Variants in MARCHF5 observed in about 807,000 individuals in gnomAD.
The protein encoded by MARCHF5 is E3 ubiquitin-protein ligase MARCHF5.
In MARCHF5, 5 loss-of-function variants were observed where a neutral mutation model predicts 36.5. The ratio of observed to expected loss-of-function variants is 0.14; its 90% CI spans 0.07 to 0.29. The LOEUF (loss-of-function observed/expected upper bound fraction) is 0.29. Ranked by LOEUF, MARCHF5 falls within the 10% of genes least tolerant of loss-of-function variation. The pLI is 1.00. For missense variants in MARCHF5, 179 were observed against 336.3 expected, an observed-to-expected ratio of 0.53 and a Z score of 3.66; for synonymous variants, 103 against 109.9, an observed-to-expected ratio of 0.94 and a Z score of 0.39.
In MARCHF5 at chr10:92,351,406, TTG is replaced by T; in HGVS notation, c.*201_*202del. 2.3e-6 allele frequency: 1 copy of T among 428,906 alleles called. No homozygotes were observed. The highest frequency in any genetic ancestry group is 4.1e-6 in the Non-Finnish European group (1 of 243,708). 26.6% of individuals were successfully genotyped at this position (428,906 alleles called of 1,614,324 possible). Reference sequence around the variant, plus strand: ...TAAGGATGTGATTTGTTTTCATTGTTTGTATGTACTACTTTTATGGCAGTCAT... The same window carrying T: ...TAAGGATGTGATTTGTTTTCATTGTTTATGTACTACTTTTATGGCAGTCAT... On this transcript the variant is annotated 3_prime_UTR_variant, in exon 6 of 6. Transcript: ENST00000358935.
chr10:92,300,326 A>G (rs553568163), intron 1 of MARCHF5, among the ~76,000 whole-genome samples: 17 of 151,826 alleles, frequency 1.1e-4, no homozygotes, highest in Non-Finnish European at 1.9e-4. Context: ...CTTAAAAAAA[A>G]AAAGAAAGAA....
chr10:92,294,240 G>T (rs183701899), intron 1 of MARCHF5, among the ~76,000 whole-genome samples: 11 of 152,236 alleles, frequency 7.2e-5, no homozygotes, highest in Non-Finnish European at 1.2e-4. Context: ...TTCGAATTTT[G>T]CCACTTACTA....
rs191155225 is a variant in MARCHF5 at position 92,312,383 on chromosome 10, A to T, written c.238+1046A>T. 3.3e-3 allele frequency among the ~76,000 whole-genome samples: 505 copies of T among 152,360 alleles called. 2 individuals are homozygous for T. Among genetic ancestry groups the T allele is most frequent in the Non-Finnish European group, 5.8e-3 (393 of 68,038 alleles). ...TGATAGCTTCCTTTGAAGGGGAAGT[A>T]GTGTAGTAGAGAAAGTAGTGTTTTC... On this transcript the variant is annotated intron_variant, in intron 2 of 5. Transcript: ENST00000358935.
chr10:92,294,020 C>T lies in MARCHF5; in HGVS notation c.35+2491C>T, dbSNP rs147821669. Among the ~76,000 whole-genome samples, 1,150 of 152,176 alleles carry T rather than the reference C, an allele frequency of 7.6e-3. 13 individuals are homozygous for T. Among genetic ancestry groups the T allele is most frequent in the African/African-American group, 0.023 (956 of 41,516 alleles). ...TGTTAGAATTACCTGGGGAGCATTT[C>T]AGAATATGCATGGATGCTGGACTGT... On this transcript the variant is annotated intron_variant, in intron 1 of 5. Coordinates refer to ENST00000358935, the MANE Select transcript of MARCHF5 (RefSeq NM_017824.5).
Position 92,340,697 on chromosome 10 carries a change from T to A in MARCHF5, c.263T>A (p.Leu88His). The change falls in exon 3 of 6, where the codon CTT becomes CAT. Residue 88 changes from leucine (L) to histidine (H), a missense_variant. Transcript: ENST00000358935. ...KLGPVVYVLDLADRLISKACP... is the reference protein window; with the variant it reads ...KLGPVVYVLDHADRLISKACP... ...GGTCCAGTGGTTTACGTCTTGGATC[T>A]TGCAGATAGACTGATCTCAAAAGCC... 3 of 1,613,302 alleles carry A rather than the reference T, an allele frequency of 1.9e-6. No homozygotes were observed. Among genetic ancestry groups the A allele is most frequent in the Non-Finnish European group, 2.5e-6 (3 of 1,179,692 alleles).
chr10:92,314,097 A>C (rs531864324), intron 2 of MARCHF5, among the ~76,000 whole-genome samples: 1 of 152,222 alleles, frequency 6.6e-6, no homozygotes, highest in African/African-American at 2.4e-5. Context: ...TGTAAGTCCT[A>C]GCTACTCGGG....
intron 2 of MARCHF5, among the ~76,000 whole-genome samples, chr10:92,318,994 G>A (rs997407597): frequency 2.0e-5 from 3 of 151,712 alleles, no homozygotes; most frequent in African/African-American, 4.8e-5. Context: ...GGCGTGAGCC[G>A]CTGTGCCTGA....
rs953551473 is a variant in MARCHF5 at position 92,291,243 on chromosome 10, CG to C, written c.-249del. The C allele has an allele frequency of 1.9e-6, 1 of 538,826 alleles. No individual in the cohort carries two copies. The highest frequency in any genetic ancestry group is 2.0e-5 in the African/African-American group (1 of 49,008). 33.4% of individuals were successfully genotyped at this position (538,826 alleles called of 1,614,324 possible). On this transcript the variant is annotated 5_prime_UTR_variant, in exon 1 of 6. The change creates a premature stop within an existing upstream ORF in the 5' untranslated region. Transcript: ENST00000358935. ...TGGACCGGAACCTCGGGCCGACGGA[CG>C]GGAACCCGGGCCGCGATCGCCGCCT... is the stretch of plus-strand genomic sequence containing the variant.
chr10:92,314,269 ACTGT>A (rs1590652733), intron 2 of MARCHF5, among the ~76,000 whole-genome samples: 1 of 152,280 alleles, frequency 6.6e-6, no homozygotes, highest in East Asian at 1.9e-4. Context: ...TGGTCACTAT[ACTGT>A]CTGTCATAGA....
chr10:92,301,886 C>T (rs1843018245), intron 1 of MARCHF5, among the ~76,000 whole-genome samples: 1 of 152,110 alleles, frequency 6.6e-6, no homozygotes, highest in African/African-American at 2.4e-5. Flanking sequence ...TGGTGAAACC[C>T]CATCTCTACT....
At chr10:92,312,285 T>G (rs796592619) in intron 2 of MARCHF5, among the ~76,000 whole-genome samples, 3 of 152,354 alleles carry the variant, frequency 2.0e-5, no homozygotes, top group African/African-American at 7.2e-5. Flanking sequence ...TTTTCTAATA[T>G]GAGAAGATTA....
chr10:92,328,819 ATATTT>A (rs1367654323), intron 2 of MARCHF5, among the ~76,000 whole-genome samples: 3 of 113,758 alleles, frequency 2.6e-5, no homozygotes, highest in African/African-American at 1.0e-4. Flanking sequence ...ATATATATAT[ATATTT>A]TTTTTTTTTT....
intron 2 of MARCHF5, among the ~76,000 whole-genome samples, chr10:92,328,410 C>T (rs1361929671): frequency 5.6e-5 from 8 of 143,064 alleles, no homozygotes; most frequent in Non-Finnish European, 1.1e-4. Flanking sequence ...TTTATCTCTT[C>T]TCATCCTTTT....
intron 1 of MARCHF5, among the ~76,000 whole-genome samples, chr10:92,308,907 G>A (rs543521679): frequency 1.7e-4 from 26 of 151,934 alleles, no homozygotes; most frequent in African/African-American, 4.3e-4. Flanking sequence ...GGGTTTCACC[G>A]TGTTAGCCAG....
Position 92,331,097 on chromosome 10 carries a change from CAT to C in MARCHF5, c.239-9573_239-9572del, listed in dbSNP as rs1162355366. On this transcript the variant is annotated intron_variant, in intron 2 of 5. Transcript: ENST00000358935. ...TCATGGAAAATGTGAAAAATATACA[CAT>C]ATGTTTAAAGAAAAAAAGACTGTGT... Among the ~76,000 whole-genome samples, 5 of 149,434 alleles carry C rather than the reference CAT, an allele frequency of 3.3e-5. No individual in the cohort carries two copies. The East Asian group carries it at 5.8e-4, about 17-fold the overall frequency.
At chr10:92,305,149 C>T (rs773925967) in intron 1 of MARCHF5, among the ~76,000 whole-genome samples, 3 of 152,262 alleles carry the variant, frequency 2.0e-5, no homozygotes, top group Non-Finnish European at 4.4e-5. Context: ...TGGCTCACAC[C>T]GGTAATCCCA....
intron 2 of MARCHF5, among the ~76,000 whole-genome samples, chr10:92,317,203 C>T (rs1433625522): frequency 1.3e-5 from 2 of 152,146 alleles, no homozygotes; most frequent in Non-Finnish European, 2.9e-5. Flanking sequence ...CTCCTGGGTT[C>T]AAGCAGTTTC....
intron 2 of MARCHF5, among the ~76,000 whole-genome samples, chr10:92,329,902 A>G (rs1396329738): frequency 2.0e-5 from 3 of 152,226 alleles, no homozygotes; most frequent in East Asian, 3.9e-4. Context: ...CTGGAGTGCA[A>G]TGGCACAATC....
chr10:92,337,256 C>T (rs2135211038), intron 2 of MARCHF5, among the ~76,000 whole-genome samples: 1 of 152,238 alleles, frequency 6.6e-6, no homozygotes, highest in Admixed American at 6.5e-5. Flanking sequence ...TGGCTCACAC[C>T]TGTAATCCCA....
Sources: allele counts gnomAD v4.1 joint callset (sites outside exome capture counted in the v4.1 genomes callset), GRCh38; gene constraint gnomAD v4.1.1; transcripts MANE v1.5; gene names NCBI Gene and HGNC (gene_info 2026-07-23, HGNC 2026-07-21).